Variants in TMCC1 observed in about 807,000 individuals in gnomAD.
The protein encoded by TMCC1 is transmembrane and coiled-coil domains protein 1.
TMCC1 carries 15 observed loss-of-function variants against 52.4 expected under a neutral mutation model. That is an observed-to-expected ratio of 0.29 (90% CI 0.19 to 0.44). The LOEUF is 0.44. TMCC1 is among the 20% of genes least tolerant of loss of function. TMCC1 has a pLI of 1.00. For missense variants in TMCC1, 503 were observed against 806.0 expected (o/e 0.62, Z 4.55); for synonymous variants, 279 against 301.9 (o/e 0.92, Z 0.79).
At chr3:129,794,595 G>C (rs2056696563) in intron 4 of TMCC1, among the ~76,000 whole-genome samples, 1 of 152,198 alleles carries the variant, frequency 6.6e-6, no homozygotes, top group Admixed American at 6.5e-5. Flanking sequence ...GCTGTGCCCA[G>C]TGCCAAGCTC....
At chr3:129,781,338 C>A (rs1208572876) in intron 4 of TMCC1, among the ~76,000 whole-genome samples, 1 of 152,140 alleles carries the variant, frequency 6.6e-6, no homozygotes, top group African/African-American at 2.4e-5. Context: ...GGAGACATTT[C>A]TAGGTTCTAG....
intron 4 of TMCC1, among the ~76,000 whole-genome samples, chr3:129,771,812 A>G (rs1227707510): frequency 8.7e-4 from 114 of 131,626 alleles, no homozygotes; most frequent in African/African-American, 2.6e-3. Flanking sequence ...AGAAGAAGAA[A>G]AAACAATTGA....
chr3:129,690,234 T>C (rs1376861304), intron 4 of TMCC1, among the ~76,000 whole-genome samples: 1 of 152,192 alleles, frequency 6.6e-6, no homozygotes, highest in East Asian at 1.9e-4. Flanking sequence ...TTTGCCTTCC[T>C]TCTCTCAAAA....
intron 5 of TMCC1, among the ~76,000 whole-genome samples, chr3:129,662,104 G>T (rs981384715): frequency 2.0e-5 from 3 of 151,838 alleles, no homozygotes; most frequent in African/African-American, 7.3e-5. Context: ...TTTAAACCTA[G>T]AACTCTGCTT....
chr3:129,821,710 C>T (rs1376814728), intron 4 of TMCC1, among the ~76,000 whole-genome samples: 2 of 152,110 alleles, frequency 1.3e-5, no homozygotes, highest in Non-Finnish European at 2.9e-5. Flanking sequence ...CCATCCCACC[C>T]TCAAACTCAC....
intron 3 of TMCC1, among the ~76,000 whole-genome samples, chr3:129,830,501 C>T (rs1242880046): frequency 1.3e-5 from 2 of 152,116 alleles, no homozygotes; most frequent in African/African-American, 4.8e-5. Flanking sequence ...AAAATAATCC[C>T]CTATCAGTGT....
At chr3:129,697,937 C>T (rs1487028647) in intron 4 of TMCC1, among the ~76,000 whole-genome samples, 1 of 152,158 alleles carries the variant, frequency 6.6e-6, no homozygotes, top group Non-Finnish European at 1.5e-5. Flanking sequence ...CCTGCATCTT[C>T]CTGTCTCCTG....
intron 4 of TMCC1, among the ~76,000 whole-genome samples, chr3:129,759,710 CTTTTTTT>C (rs61519484): frequency 8.1e-5 from 3 of 37,222 alleles, no homozygotes; most frequent in African/African-American, 3.3e-4. Flanking sequence ...GCCAGCCAAA[CTTTTTTT>C]TTTTTTTTTT....
chr3:129,695,096 CAAAAAAA>C (rs11291309), intron 4 of TMCC1, among the ~76,000 whole-genome samples: 3 of 35,236 alleles, frequency 8.5e-5, no homozygotes, highest in Non-Finnish European at 9.6e-5. Flanking sequence ...GACTCTGTCT[CAAAAAAA>C]AAAAAAAAAA....
In TMCC1 at chr3:129,670,667, A is replaced by C; in HGVS notation, c.1174T>G (p.Ser392Ala). 3.1e-6 allele frequency: 5 copies of C among 1,614,188 alleles called. No homozygotes were observed. Among genetic ancestry groups the C allele is most frequent in the Non-Finnish European group, 4.2e-6 (5 of 1,180,022 alleles). ...SADNIPNLKD[S>A]LEEGQVDDAG... ...TCATCCACTTGCCCTTCCTCTAAAG[A>C]GTCCTTCAGGTTGGGGATGTTGTCT... The change falls in exon 5 of 7, where the codon TCT becomes GCT. Residue 392 changes from serine (S) to alanine (A), a missense_variant. Physicochemically the swap from Ser to Ala is moderately conservative, Grantham distance 99 (BLOSUM62 1). Coordinates refer to ENST00000393238, the MANE Select transcript of TMCC1 (RefSeq NM_001017395.5).
At chr3:129,803,840 T>A (rs1455925515) in intron 4 of TMCC1, among the ~76,000 whole-genome samples, 3 of 152,158 alleles carry the variant, frequency 2.0e-5, no homozygotes, top group East Asian at 3.8e-4. Flanking sequence ...ATAATTATTT[T>A]AAAATATAAT....
chr3:129,797,985 CCTTTTTTTTTTTTTT>C (rs2056947141), intron 4 of TMCC1, among the ~76,000 whole-genome samples: 1 of 28,858 alleles, frequency 3.5e-5, no homozygotes, highest in Admixed American at 6.7e-4. Context: ...GAGTTGTGTG[CCTTTTTTTTTTTTTT>C]CTTTTTTTTT....
At chr3:129,875,634 T>A (rs886164503) in intron 2 of TMCC1, among the ~76,000 whole-genome samples, 1 of 152,110 alleles carries the variant, frequency 6.6e-6, no homozygotes, top group Admixed American at 6.6e-5. Context: ...GTAGAAACTT[T>A]TATCCACTGT....
chr3:129,797,950 T>C (rs1471828758), intron 4 of TMCC1, among the ~76,000 whole-genome samples: 1 of 150,084 alleles, frequency 6.7e-6, no homozygotes, highest in Non-Finnish European at 1.5e-5. Context: ...TAATTCCAAG[T>C]GGAAAGTAGG....
At chr3:129,820,530 T>C (rs778944016) in intron 4 of TMCC1, among the ~76,000 whole-genome samples, 5 of 152,022 alleles carry the variant, frequency 3.3e-5, no homozygotes, top group Non-Finnish European at 5.9e-5. Flanking sequence ...CAGATTAATA[T>C]ATTAGATTTG....
chr3:129,827,762 A>T, intron 4 of TMCC1, 41 bp downstream of exon 4: 1 of 1,588,070 alleles, frequency 6.3e-7, no homozygotes, highest in Non-Finnish European at 8.6e-7. Context: ...TAGGTATGAA[A>T]AACAGTAAGT....
At chr3:129,866,032 C>A (rs1425214284) in intron 2 of TMCC1, among the ~76,000 whole-genome samples, 1 of 152,002 alleles carries the variant, frequency 6.6e-6, no homozygotes, top group East Asian at 1.9e-4. Flanking sequence ...AGTTTATGGA[C>A]TCTCACTGCT....
At chr3:129,812,764 C>A (rs953550619) in intron 4 of TMCC1, among the ~76,000 whole-genome samples, 5 of 152,030 alleles carry the variant, frequency 3.3e-5, no homozygotes, top group African/African-American at 1.2e-4. Flanking sequence ...TAGGACCTGG[C>A]AAAGACTTCA....
At chr3:129,787,225 A>G (rs2056103806) in intron 4 of TMCC1, among the ~76,000 whole-genome samples, 1 of 152,190 alleles carries the variant, frequency 6.6e-6, no homozygotes. Flanking sequence ...TGATTTACTT[A>G]ATTTCAATGA....
Sources: allele counts gnomAD v4.1 joint callset (sites outside exome capture counted in the v4.1 genomes callset), GRCh38; gene constraint gnomAD v4.1.1; transcripts MANE v1.5; gene names NCBI Gene and HGNC (gene_info 2026-07-23, HGNC 2026-07-21).